DNAJC13: variants seen among roughly 807,000 people sequenced by gnomAD.
DNAJC13 encodes the protein DnaJ heat shock protein family (Hsp40) member C13, also known as dnaJ homolog subfamily C member 13.
A neutral mutation model predicts 290.5 loss-of-function variants in DNAJC13; 75 were observed. The observed-to-expected ratio is 0.26, with a 90% CI of 0.21 to 0.31. The LOEUF (loss-of-function observed/expected upper bound fraction) is 0.31. Ranked by LOEUF, DNAJC13 falls within the 10% of genes least tolerant of loss-of-function variation. DNAJC13 has a pLI of 1.00. For missense variants in DNAJC13, 2,260 were observed against 2,674.5 expected (o/e 0.85, Z 3.42); for synonymous variants, 862 against 892.0 (o/e 0.97, Z 0.60).
In DNAJC13 at chr3:132,507,313, T is replaced by C. The variant is rs553121870; in HGVS notation, c.5075T>C (p.Phe1692Ser). Residue 1692 changes from phenylalanine to serine, a missense_variant, in exon 43 of 56, where the codon TTT (phenylalanine) becomes TCT (serine). Coordinates refer to ENST00000260818, the MANE Select transcript of DNAJC13 (RefSeq NM_015268.4). ...HAKELIVGEI[F>S]VRVYNEVPTF... is the part of the protein sequence containing the mutation. ...AAAGAACTTATTGTAGGGGAGATTT[T>C]TGTTAGGGTGTATAATGAAGTTCCT... The C allele has an allele frequency of 1.2e-6, 2 of 1,612,756 alleles. No homozygotes were observed. Among genetic ancestry groups the C allele is most frequent in the Middle Eastern group, 1.6e-4 (1 of 6,082 alleles).
Position 132,523,723 on chromosome 3 carries a change from A to G in DNAJC13, c.6060+10A>G. On this transcript the variant is annotated intron_variant, in intron 51 of 55. Coordinates refer to ENST00000260818, the MANE Select transcript of DNAJC13 (RefSeq NM_015268.4). ...GAAGAACAATCCTCATGTAAGCTTC[A>G]GTCAAAAGCAAAACATTTCAAAGAC... is the stretch of plus-strand genomic sequence containing the variant. The G allele has an allele frequency of 6.2e-7, 1 of 1,608,400 alleles. No individual in the cohort carries two copies. The highest frequency in any genetic ancestry group is 8.5e-7 in the Non-Finnish European group (1 of 1,177,878).
intron 26 of DNAJC13, among the ~76,000 whole-genome samples, chr3:132,481,536 G>C (rs1006186503): frequency 6.6e-6 from 1 of 152,140 alleles, no homozygotes; most frequent in Admixed American, 6.5e-5. Flanking sequence ...AGGCATTTTT[G>C]TGCCATTGCA....
intron 9 of DNAJC13, among the ~76,000 whole-genome samples, chr3:132,455,847 A>C (rs979619081): frequency 9.2e-5 from 14 of 152,224 alleles, no homozygotes; most frequent in African/African-American, 3.4e-4. Flanking sequence ...AATGGGCACA[A>C]GGAAATTTTT....
rs561026329 is a variant in DNAJC13 at position 132,526,042 on chromosome 3, G to A, written c.6241-99G>A. 4.3e-4 allele frequency: 620 copies of A among 1,458,740 alleles called. 1 individual carries two copies. The African/African-American group carries it at 7.9e-3, about 19-fold the overall frequency. 90.4% of individuals were successfully genotyped at this position (1,458,740 alleles called of 1,614,324 possible). On this transcript the variant is annotated intron_variant, in intron 52 of 55. Transcript: ENST00000260818. The stretch of plus-strand genomic sequence containing the variant: ...CAATTCATTGTTAAACTGAAAGTAA[G>A]GGATTCTTTTTTTACTTATTTACTT...
At chr3:132,514,910 T>G in intron 46 of DNAJC13, 1 of 231,240 alleles carries the variant, frequency 4.3e-6, no homozygotes, top group Non-Finnish European at 7.6e-6. Flanking sequence ...AACCTGGGAT[T>G]TTCAGTTTGT....
chr3:132,435,475 G>A (rs1479245841), intron 2 of DNAJC13, among the ~76,000 whole-genome samples: 1 of 152,192 alleles, frequency 6.6e-6, no homozygotes, highest in African/African-American at 2.4e-5. Flanking sequence ...TTCTTAGGAT[G>A]TGGTATACAT....
intron 18 of DNAJC13, 98 bp downstream of exon 18, chr3:132,466,168 A>C: frequency 7.1e-7 from 1 of 1,403,918 alleles, no homozygotes; most frequent in Non-Finnish European, 1.0e-6. Context: ...TTTTTATTGA[A>C]AAGTTATTTA....
chr3:132,502,290 G>A lies in DNAJC13; in HGVS notation c.4538G>A (p.Ser1513Asn). ...ATGCTCTCATTTTTATTCTCTCAGA[G>A]TATTCCCCGCGTAGCTGCTCTTGGG... ...DLCRVLYFGK[S>N]IPRVAALGVE... The change falls in exon 40 of 56, where the codon AGT becomes AAT. Residue 1513 changes from serine (S) to asparagine (N), a missense_variant and splice_region_variant. Physicochemically the swap from Ser to Asn is conservative, Grantham distance 46. Around this residue, in one of 3 missense-constraint regions of DNAJC13, gnomAD observed 1,494 missense variants for 1,693.7 expected, o/e 0.88. Transcript: ENST00000260818. 1 of 1,604,648 alleles carries A rather than the reference G, an allele frequency of 6.2e-7. No homozygotes were observed. The highest frequency in any genetic ancestry group is 8.5e-7 in the Non-Finnish European group (1 of 1,175,924).
chr3:132,487,273 T>C (rs555995353), intron 29 of DNAJC13, among the ~76,000 whole-genome samples: 145 of 152,230 alleles, frequency 9.5e-4, no homozygotes, highest in African/African-American at 3.4e-3. Flanking sequence ...TATTTATTTT[T>C]TGAGATGGAG....
At chr3:132,487,324 T>C (rs1204378151) in intron 29 of DNAJC13, among the ~76,000 whole-genome samples, 2 of 152,108 alleles carry the variant, frequency 1.3e-5, no homozygotes, top group Non-Finnish European at 2.9e-5. Flanking sequence ...TGGCTCAATC[T>C]CTGCTCACTG....
intron 20 of DNAJC13, among the ~76,000 whole-genome samples, chr3:132,471,227 G>T (rs1292942706): frequency 1.5e-5 from 2 of 135,048 alleles, no homozygotes; most frequent in African/African-American, 5.6e-5. Flanking sequence ...GGACGGGGCG[G>T]CTGGCCGGGC....
chr3:132,504,072 A>G (rs1935509217), intron 41 of DNAJC13, among the ~76,000 whole-genome samples: 1 of 151,896 alleles, frequency 6.6e-6, no homozygotes, highest in Non-Finnish European at 1.5e-5. Flanking sequence ...ATAGATTTGT[A>G]CCCATATGTT....
In DNAJC13 at chr3:132,430,128, C is replaced by T. The variant is rs80026336; in HGVS notation, c.-13-4410C>T. ...TTTATCTTAATGTGTTATATCTTCT[C>T]ATACTCCTTTTATCTGTCCTAAGGA... On this transcript the variant is annotated intron_variant, in intron 1 of 55. Coordinates refer to ENST00000260818, the MANE Select transcript of DNAJC13 (RefSeq NM_015268.4). 9.8e-3 allele frequency among the ~76,000 whole-genome samples: 1,496 copies of T among 152,210 alleles called. 37 individuals carry two copies. The highest frequency in any genetic ancestry group is 0.034 in the African/African-American group (1,432 of 41,538).
rs1935729805 is a variant in DNAJC13 at position 132,510,197 on chromosome 3, A to G, written c.5116-870A>G. Among the ~76,000 whole-genome samples, 8 of 152,320 alleles carry G rather than the reference A, an allele frequency of 5.3e-5. No homozygotes were observed. The South Asian group carries it at 1.7e-3, about 32-fold the overall frequency. ...ACATGCTCATTTCATCACAAGGGAT[A>G]TCAGACCACCAGACACAAGGCTTCC... On this transcript the variant is annotated intron_variant, in intron 43 of 55. Coordinates refer to ENST00000260818, the MANE Select transcript of DNAJC13 (RefSeq NM_015268.4).
In DNAJC13 at chr3:132,526,195, A is replaced by C; in HGVS notation, c.6295A>C (p.Met2099Leu). The change falls in exon 53 of 56, where the codon ATG becomes CTG. Residue 2099 changes from methionine to leucine, a missense_variant. Around this residue, in one of 3 missense-constraint regions of DNAJC13, gnomAD observed 1,494 missense variants for 1,693.7 expected, o/e 0.88. Transcript: ENST00000260818. Reference sequence around the variant, plus strand: ...GACCATTGGCCCACTGATGAATGGAATGAAAAAGCGAGCAGATACTGTTGG... The same window carrying C: ...GACCATTGGCCCACTGATGAATGGACTGAAAAAGCGAGCAGATACTGTTGG... ...LETIGPLMNG[M>L]KKRADTVGLA... The C allele has an allele frequency of 6.2e-7, 1 of 1,614,140 alleles. No individual in the cohort carries two copies. The highest frequency in any genetic ancestry group is 8.5e-7 in the Non-Finnish European group (1 of 1,180,002).
chr3:132,473,146 A>G lies in DNAJC13; in HGVS notation c.2210A>G (p.Asn737Ser). The change falls in exon 21 of 56, where the codon AAT becomes AGT. Residue 737 changes from asparagine to serine, a missense_variant and splice_region_variant. Asn to Ser is a conservative substitution (Grantham distance 46, BLOSUM62 1). Around this residue, in one of 3 missense-constraint regions of DNAJC13, gnomAD observed 762 missense variants for 964.1 expected, o/e 0.79. Coordinates refer to ENST00000260818, the MANE Select transcript of DNAJC13 (RefSeq NM_015268.4). ...CTATGAAGTTTTTTTCTGTTCCAGA[A>G]TATAAATCAGAAGCCAGTGGTTCTT... is the stretch of plus-strand genomic sequence containing the variant. ...RDRMGIAQKE[N>S]INQKPVVLRK... 6.2e-7 allele frequency: 1 copy of G among 1,608,700 alleles called. No homozygotes were observed. The highest frequency in any genetic ancestry group is 8.5e-7 in the Non-Finnish European group (1 of 1,177,814).
chr3:132,477,892 C>A lies in DNAJC13; in HGVS notation c.2549C>A (p.Ser850Ter). Residue 850 changes from serine (S) to a stop codon, truncating the protein, a stop_gained and splice_region_variant, in exon 23 of 56, where the codon TCG becomes TAG. Transcript: ENST00000260818. LOFTEE classifies it high-confidence loss of function. ...GAAGAAAGTGGATCAATTAAGAGAT[C>A]GTGAGCTACTCTGTATATCCTGTCG... is the stretch of plus-strand genomic sequence containing the variant. ...ENEESGSIKR[S>*]YEFFNELYHR... The A allele has an allele frequency of 6.2e-7, 1 of 1,611,718 alleles. No individual in the cohort carries two copies. Among genetic ancestry groups the A allele is most frequent in the Non-Finnish European group, 8.5e-7 (1 of 1,178,748 alleles).
In DNAJC13 at chr3:132,475,095, G is replaced by T; in HGVS notation, c.2445+10G>T. 2 of 1,564,692 alleles carry T rather than the reference G, an allele frequency of 1.3e-6. No individual in the cohort carries two copies. The highest frequency in any genetic ancestry group is 2.4e-5 in the South Asian group (2 of 82,596). On this transcript the variant is annotated intron_variant, in intron 22 of 55. Coordinates refer to ENST00000260818, the MANE Select transcript of DNAJC13 (RefSeq NM_015268.4). ...CCACCATGAGTTTGAGGTAAAGTTT[G>T]ATTTTTCCAGTATATTAATCTTAAA...
At position 132,484,608 on chromosome 3, in the gene DNAJC13, T is replaced by C. The variant is rs1457981105; in HGVS notation, c.3203T>C (p.Ile1068Thr). ...FPSRDQDNAIIRPLPKVKRLL... is the reference protein window; with the variant it reads ...FPSRDQDNAITRPLPKVKRLL... ...TCTAGGGATCAAGACAATGCCATCA[T>C]TCGGCCTCTACCCAAAGTGAAAAGA... Residue 1068 changes from isoleucine to threonine, a missense_variant, in exon 29 of 56, where the codon ATT (isoleucine) becomes ACT (threonine). Ile to Thr is a moderately conservative substitution (Grantham distance 89). This residue lies in a region of DNAJC13 where 1,494 missense variants were observed against 1,693.7 expected (regional missense o/e 0.88). Coordinates refer to ENST00000260818, the MANE Select transcript of DNAJC13 (RefSeq NM_015268.4). 3.1e-6 allele frequency: 5 copies of C among 1,614,014 alleles called. No homozygotes were observed. The highest frequency in any genetic ancestry group is 4.2e-6 in the Non-Finnish European group (5 of 1,179,974).
Sources: gnomAD v4.1 joint callset for allele counts (sites outside exome capture counted in the v4.1 genomes callset) on GRCh38, gnomAD v4.1.1 for gene constraint, gnomAD v4.1.1 regional missense constraint, MANE v1.5 for transcripts, NCBI Gene and HGNC (gene_info 2026-07-23, HGNC 2026-07-21) for gene names.